The following SCYL2 variants were observed in gnomAD, a reference collection of about 807,000 sequenced individuals.
SCYL2 encodes the protein SCY1 like pseudokinase 2, also known as SCY1-like protein 2.
In SCYL2, 36 loss-of-function variants were observed where a neutral mutation model predicts 100.4. That is an observed-to-expected ratio of 0.36 (90% CI 0.27 to 0.47). The LOEUF (loss-of-function observed/expected upper bound fraction) is 0.47, where lower values mean the gene tolerates loss of function less well. SCYL2 is among the 20% of genes least tolerant of loss of function. SCYL2 has a pLI of 1.00. For synonymous variants in SCYL2, 330 were observed against 359.2 expected, an observed-to-expected ratio of 0.92 and a Z score of 0.92; for missense variants, 902 against 1,083.9, an observed-to-expected ratio of 0.83 and a Z score of 2.36.
In SCYL2 at chr12:100,335,834, C is replaced by T. The variant is rs779657040; in HGVS notation, c.1953C>T (p.Asn651=). The change falls in exon 16 of 18, where the codon AAC becomes AAT. Residue 651 remains asparagine (N), a synonymous_variant. Coordinates refer to ENST00000360820, the MANE Select transcript of SCYL2 (RefSeq NM_017988.6). ...AGCAAATTGACAAAGTTTTTAACAACATTGGAGCAGACCTTCTGACTGGCA... is the reference window on the plus strand; with the variant it reads ...AGCAAATTGACAAAGTTTTTAACAATATTGGAGCAGACCTTCTGACTGGCA... The part of the protein sequence containing the change: ...GNQQIDKVFN[N]IGADLLTGSE... The T allele has an allele frequency of 1.2e-6, 2 of 1,613,180 alleles. No homozygotes were observed. Among genetic ancestry groups the T allele is most frequent in the Non-Finnish European group, 1.7e-6 (2 of 1,179,316 alleles).
chr12:100,278,775 G>A (rs186533070), intron 1 of SCYL2, among the ~76,000 whole-genome samples: 77 of 151,780 alleles, frequency 5.1e-4, no homozygotes, highest in African/African-American at 1.3e-3. Context: ...GACTACAGGC[G>A]CGTACCACCA....
intron 3 of SCYL2, among the ~76,000 whole-genome samples, chr12:100,295,686 G>A (rs1021091559): frequency 1.5e-4 from 22 of 151,304 alleles, no homozygotes; most frequent in African/African-American, 5.4e-4. Context: ...GAGGGAGACC[G>A]TGGAAACAGA....
chr12:100,287,845 A>G (rs1308303852), intron 2 of SCYL2, among the ~76,000 whole-genome samples: 1 of 152,206 alleles, frequency 6.6e-6, no homozygotes, highest in Non-Finnish European at 1.5e-5. Context: ...TAAAGATGAT[A>G]ATAAAAAGCT....
rs554687767 is a variant in SCYL2, at chr12:100,299,150, G to A, written c.480+975G>A. 4.6e-5 allele frequency among the ~76,000 whole-genome samples: 7 copies of A among 152,128 alleles called. No individual in the cohort carries two copies. In the East Asian group the frequency reaches 7.8e-4, roughly 17 times the overall value. ...CTCAGGAGGCTGAGTCAGGAGGATCGCTTGAGCTTGGGAGGTTGAGGATGC... is the reference window on the plus strand; with the variant it reads ...CTCAGGAGGCTGAGTCAGGAGGATCACTTGAGCTTGGGAGGTTGAGGATGC... On this transcript the variant is annotated intron_variant, in intron 4 of 17. Transcript: ENST00000360820.
intron 1 of SCYL2, among the ~76,000 whole-genome samples, chr12:100,280,177 A>G (rs567520927): frequency 1.3e-5 from 2 of 152,306 alleles, no homozygotes; most frequent in East Asian, 3.9e-4. Context: ...TCTAGTTGTT[A>G]AAAGCAAGAG....
chr12:100,283,210 T>A, intron 2 of SCYL2, 63 bp downstream of exon 2: 1 of 1,394,972 alleles, frequency 7.2e-7, no homozygotes, highest in African/African-American at 1.5e-5. Context: ...AAAATGCATG[T>A]GTGCATTTTT....
chr12:100,323,573 C>G lies in SCYL2; in HGVS notation c.1444C>G (p.Pro482Ala). 1 of 1,606,356 alleles carries G rather than the reference C, an allele frequency of 6.2e-7. No individual in the cohort carries two copies. Among genetic ancestry groups the G allele is most frequent in the Non-Finnish European group, 8.5e-7 (1 of 1,175,968 alleles). The change falls in exon 11 of 18, where the codon CCA (proline) becomes GCA (alanine). Residue 482 changes from proline (P) to alanine (A), a missense_variant. Pro to Ala is a conservative substitution (Grantham distance 27, BLOSUM62 -1). Transcript: ENST00000360820. ...AACCTTTGCAAATCTTATAGACTACCCATCCATGAAAAACGCTTTGATACC... is the reference window on the plus strand; with the variant it reads ...AACCTTTGCAAATCTTATAGACTACGCATCCATGAAAAACGCTTTGATACC... ...IPTFANLIDY[P>A]SMKNALIPRI...
At position 100,298,130 on chromosome 12, in the gene SCYL2, G is replaced by C; in HGVS notation, c.435G>C (p.Lys145Asn). 1 of 1,601,054 alleles carries C rather than the reference G, an allele frequency of 6.2e-7. No individual in the cohort carries two copies. ...NLPSPISPDI[K>N]DYKLYDVETK... is the part of the protein sequence containing the mutation. ...CTTCCCCTATATCTCCAGACATTAA[G>C]GATTATAAACTTTATGATGTAGAAA... Residue 145 changes from lysine to asparagine, a missense_variant, in exon 4 of 18, where the codon AAG becomes AAC. By Grantham distance (94) the Lys-to-Asn change is moderately conservative. Coordinates refer to ENST00000360820, the MANE Select transcript of SCYL2 (RefSeq NM_017988.6).
Position 100,341,685 on chromosome 12 carries a change from A to G in SCYL2, c.*2513A>G, listed in dbSNP as rs1345851900. On this transcript the variant is annotated 3_prime_UTR_variant, in exon 18 of 18. Coordinates refer to ENST00000360820, the MANE Select transcript of SCYL2 (RefSeq NM_017988.6). ...GAACATACCTGATATCAAGAGGAGT[A>G]TGCACCAAATAAATTTTAGCTTTGA... 1 of 152,222 alleles carries G rather than the reference A, an allele frequency of 6.6e-6. No individual in the cohort carries two copies. The highest frequency in any genetic ancestry group is 1.5e-5 in the Non-Finnish European group (1 of 68,034). The allele number at this position is 152,222 out of a possible 1,614,324, so 9.4% of individuals were successfully genotyped here.
chr12:100,269,958 T>C (rs1285495138), intron 1 of SCYL2, among the ~76,000 whole-genome samples: 1 of 152,162 alleles, frequency 6.6e-6, no homozygotes, highest in African/African-American at 2.4e-5. Flanking sequence ...TATGAGTTTG[T>C]TTTCATACAT....
At chr12:100,275,421 C>T (rs1159986639) in intron 1 of SCYL2, among the ~76,000 whole-genome samples, 1 of 152,112 alleles carries the variant, frequency 6.6e-6, no homozygotes, top group African/African-American at 2.4e-5. Context: ...ATCTCAAACT[C>T]CTGTACTCAA....
chr12:100,317,154 A>G (rs2096349876), intron 9 of SCYL2, among the ~76,000 whole-genome samples: 1 of 152,148 alleles, frequency 6.6e-6, no homozygotes, highest in African/African-American at 2.4e-5. Context: ...GAGTCTTGGC[A>G]AAACTAATTT....
At chr12:100,331,652 G>T (rs1050713741) in intron 13 of SCYL2, among the ~76,000 whole-genome samples, 2 of 151,482 alleles carry the variant, frequency 1.3e-5, no homozygotes, top group Admixed American at 6.6e-5. Context: ...AGCTTAGTGG[G>T]TTTTTTTTGG....
At chr12:100,306,058 A>G (rs2096333987) in intron 4 of SCYL2, among the ~76,000 whole-genome samples, 1 of 152,158 alleles carries the variant, frequency 6.6e-6, no homozygotes, top group Admixed American at 6.5e-5. Flanking sequence ...TGGGTTCACA[A>G]CCAAATTCTA....
At position 100,335,657 on chromosome 12, in the gene SCYL2, C is replaced by T. The variant is rs1229351641; in HGVS notation, c.1895C>T (p.Ser632Phe). 1.2e-6 allele frequency: 2 copies of T among 1,610,476 alleles called. No homozygotes were observed. The highest frequency in any genetic ancestry group is 2.2e-5 in the South Asian group (2 of 90,522). Residue 632 changes from serine (S) to phenylalanine (F), a missense_variant, in exon 15 of 18, where the codon TCT becomes TTT. Physicochemically the swap from Ser to Phe is radical, Grantham distance 155 (BLOSUM62 -2). Transcript: ENST00000360820. ...SLDIGNQMNV[S>F]EEMKVTNIGN... ...GATATAGGAAATCAAATGAATGTTT[C>T]TGAGGAGATGAAAGTTACAAATATT...
chr12:100,296,052 AGGGGAG>A (rs2096320023), intron 3 of SCYL2, among the ~76,000 whole-genome samples: 1 of 152,174 alleles, frequency 6.6e-6, no homozygotes, highest in Non-Finnish European at 1.5e-5. Context: ...AAGTCTCTTG[AGGGGAG>A]AAGGACTATC....
intron 16 of SCYL2, among the ~76,000 whole-genome samples, chr12:100,337,059 ATTAGAGT>A (rs1408027970): frequency 1.1e-4 from 16 of 152,158 alleles, no homozygotes; most frequent in Non-Finnish European, 2.2e-4. Flanking sequence ...GGTGAGATAG[ATTAGAGT>A]TTAAATAGAT....
At chr12:100,269,940 T>C (rs2096285636) in intron 1 of SCYL2, among the ~76,000 whole-genome samples, 1 of 152,184 alleles carries the variant, frequency 6.6e-6, no homozygotes, top group African/African-American at 2.4e-5. Context: ...TAGACAGTAC[T>C]TGTGTTTTAT....
intron 2 of SCYL2, among the ~76,000 whole-genome samples, chr12:100,283,802 T>C (rs2096301541): frequency 6.6e-6 from 1 of 152,262 alleles, no homozygotes; most frequent in Non-Finnish European, 1.5e-5. Flanking sequence ...TTGGTTATCC[T>C]TTTATGAAAT....
Sources: allele counts gnomAD v4.1 joint callset (sites outside exome capture counted in the v4.1 genomes callset), GRCh38; gene constraint gnomAD v4.1.1; transcripts MANE v1.5; gene names NCBI Gene and HGNC (gene_info 2026-07-23, HGNC 2026-07-21).